TTC6: variants seen among roughly 807,000 people sequenced by gnomAD.
The protein encoded by TTC6 is tetratricopeptide repeat protein 6.
In TTC6, 172 loss-of-function variants were observed where a neutral mutation model predicts 210.4. The observed-to-expected ratio is 0.82, with a 90% CI of 0.72 to 0.93. The LOEUF (loss-of-function observed/expected upper bound fraction) is 0.93, where lower values mean the gene tolerates loss of function less well. Among genes scored for constraint, TTC6 ranks in the 40% least tolerant of loss-of-function variants. The pLI is 0.00. For synonymous variants in TTC6, 804 were observed against 819.6 expected (o/e 0.98, Z 0.32); for missense variants, 2,414 against 2,318.1 (o/e 1.04, Z -0.85).
intron 5 of TTC6, 109 bp from the exon 8 acceptor site, chr14:37,714,546 A>G: frequency 1.3e-6 from 1 of 779,308 alleles, no homozygotes; most frequent in Non-Finnish European, 1.9e-6. Flanking sequence ...TTTAGTGCAG[A>G]TGTCAAATGT....
In TTC6 at chr14:37,639,504, A is replaced by G. The variant is rs536274510; in HGVS notation, c.939+16501A>G. On this transcript the variant is annotated intron_variant, in intron 1 of 30. Transcript: ENST00000553443. ...TATAGTTTTTTTCTGTGTAAATGTA[A>G]AAGTTCTCACATAACATTTGGATGC... 4.6e-5 allele frequency among the ~76,000 whole-genome samples: 7 copies of G among 152,240 alleles called. No individual in the cohort carries two copies. In the South Asian group the frequency reaches 1.5e-3, roughly 32 times the overall value.
chr14:37,798,720 G>T (rs555755352), intron 20 of TTC6, among the ~76,000 whole-genome samples: 1 of 151,996 alleles, frequency 6.6e-6, no homozygotes, highest in African/African-American at 2.4e-5. Flanking sequence ...TGAAGTTTGG[G>T]ATTGATTTTT....
intron 16 of TTC6, among the ~76,000 whole-genome samples, chr14:37,791,248 G>A (rs1169731252): frequency 6.6e-6 from 1 of 152,076 alleles, no homozygotes; most frequent in Non-Finnish European, 1.5e-5. Flanking sequence ...TCAATGGAAG[G>A]CAGCCTTCTA....
upstream of TTC6, among the ~76,000 whole-genome samples, chr14:37,620,371 G>A (rs1244622929): frequency 1.3e-5 from 2 of 152,076 alleles, no homozygotes; most frequent in Non-Finnish European, 2.9e-5. Context: ...TTGACCTTAG[G>A]TATTCTCTAA....
At chr14:37,782,465 G>T (rs536322652) in intron 14 of TTC6, among the ~76,000 whole-genome samples, 8 of 152,172 alleles carry the variant, frequency 5.3e-5, no homozygotes, top group African/African-American at 1.9e-4. Context: ...TGTGATTTTT[G>T]CACATTGATT....
At chr14:37,635,970 A>G (rs2095679456) in intron 1 of TTC6, among the ~76,000 whole-genome samples, 1 of 149,182 alleles carries the variant, frequency 6.7e-6, no homozygotes. Flanking sequence ...ACAAGAGCAA[A>G]ATTCCATTTC....
chr14:37,805,612 C>T (rs2096116722), intron 21 of TTC6, among the ~76,000 whole-genome samples: 2 of 152,104 alleles, frequency 1.3e-5, no homozygotes, highest in African/African-American at 4.8e-5. Flanking sequence ...TGTTTTTAGT[C>T]CTTTTGAACA....
At chr14:37,628,629 T>G (rs2095664389) in intron 1 of TTC6, among the ~76,000 whole-genome samples, 1 of 152,224 alleles carries the variant, frequency 6.6e-6, no homozygotes, top group African/African-American at 2.4e-5. Context: ...CAGCTGTCAA[T>G]TTTGGCTTTT....
intron 1 of TTC6, among the ~76,000 whole-genome samples, chr14:37,668,264 A>G (rs2095752058): frequency 6.6e-6 from 1 of 150,550 alleles, no homozygotes; most frequent in East Asian, 1.9e-4. Flanking sequence ...CTTCTAATCT[A>G]TTCACCAGTT....
intron 1 of TTC6, among the ~76,000 whole-genome samples, chr14:37,674,819 G>A (rs780962763): frequency 6.6e-5 from 10 of 151,938 alleles, no homozygotes; most frequent in Non-Finnish European, 1.2e-4. Context: ...ACTTTAGATC[G>A]AACACTAACA....
chr14:37,620,560 A>AT (rs1394971197), upstream of TTC6, among the ~76,000 whole-genome samples: 1 of 152,064 alleles, frequency 6.6e-6, no homozygotes, highest in Non-Finnish European at 1.5e-5. Flanking sequence ...TCGGTTCCCT[A>AT]TTTATATTTA....
intron 5 of TTC6, 63 bp from the exon 8 acceptor site, chr14:37,714,592 G>A (rs1566905485): frequency 2.2e-6 from 3 of 1,367,196 alleles, no homozygotes; most frequent in Non-Finnish European, 3.0e-6. Flanking sequence ...TGAAATGAGG[G>A]CAAACACCTT....
At chr14:37,604,285 T>G (rs1403097634) in intron 1 of TTC6, among the ~76,000 whole-genome samples, 3 of 152,096 alleles carry the variant, frequency 2.0e-5, no homozygotes, top group Admixed American at 6.5e-5. Context: ...CAGTGATGGA[T>G]GACAAAAGAA....
In TTC6 at chr14:37,808,738, T is replaced by C. The variant is rs577357532; in HGVS notation, c.4461T>C (p.Tyr1487=). 2.3e-5 allele frequency: 33 copies of C among 1,466,022 alleles called. No homozygotes were observed. The African/African-American group carries it at 2.5e-4, about 11-fold the overall frequency. 90.8% of individuals were successfully genotyped at this position (1,466,022 alleles called of 1,614,324 possible). ...AATTACTTTTTTCTTTTTAGACTTA[T>C]AAGCTAGCAATTACAGATTTAACTA... The change falls in exon 24 of 31, where the codon TAT becomes TAC. Residue 1487 remains tyrosine, a synonymous_variant. Transcript: ENST00000553443.
intron 1 of TTC6, among the ~76,000 whole-genome samples, chr14:37,674,062 AT>A (rs554592191): frequency 5.9e-5 from 9 of 151,796 alleles, no homozygotes; most frequent in East Asian, 1.9e-4. Context: ...TTTCTTTTTG[AT>A]TTTTTTTAGT....
intron 8 of TTC6, among the ~76,000 whole-genome samples, chr14:37,737,326 A>G (rs1189870520): frequency 2.0e-5 from 3 of 152,048 alleles, no homozygotes; most frequent in Admixed American, 2.0e-4. Flanking sequence ...CATATCTGTC[A>G]CACATTCACA....
intron 14 of TTC6, among the ~76,000 whole-genome samples, chr14:37,775,242 T>C (rs1007750679): frequency 3.9e-5 from 6 of 152,216 alleles, no homozygotes; most frequent in African/African-American, 9.6e-5. Context: ...AGTTCAGCTC[T>C]GATTTTGGTT....
chr14:37,766,289 G>A (rs2095999117), intron 14 of TTC6, among the ~76,000 whole-genome samples: 1 of 152,024 alleles, frequency 6.6e-6, no homozygotes, highest in South Asian at 2.1e-4. Flanking sequence ...CAGGGGTTTG[G>A]TTTACAAATT....
chr14:37,611,026 G>C (rs1436137326), intron 2 of TTC6, among the ~76,000 whole-genome samples: 4 of 152,232 alleles, frequency 2.6e-5, no homozygotes, highest in Non-Finnish European at 5.9e-5. Flanking sequence ...TTCAGTCCAA[G>C]AGGCTCTTCG....
Sources: allele counts gnomAD v4.1 joint callset (sites outside exome capture counted in the v4.1 genomes callset), GRCh38; gene constraint gnomAD v4.1.1; transcripts MANE v1.5; gene names NCBI Gene and HGNC (gene_info 2026-07-23, HGNC 2026-07-21).